The following ERBB4 variants were observed in gnomAD, a reference collection of about 807,000 sequenced individuals.
ERBB4 encodes the protein erb-b2 receptor tyrosine kinase 4.
ERBB4 carries 42 observed loss-of-function variants against 158.0 expected under a neutral mutation model. The observed-to-expected ratio is 0.27, with a 90% CI of 0.21 to 0.34. The LOEUF (loss-of-function observed/expected upper bound fraction) is 0.34. Among genes scored for constraint, ERBB4 ranks in the 10% least tolerant of loss-of-function variants. The pLI is 1.00. For missense variants in ERBB4, 1,333 were observed against 1,624.1 expected, an observed-to-expected ratio of 0.82 and a Z score of 3.08; for synonymous variants, 583 against 558.7, an observed-to-expected ratio of 1.04 and a Z score of -0.61.
intron 2 of ERBB4, among the ~76,000 whole-genome samples, chr2:212,109,207 C>T (rs569423613): frequency 9.9e-5 from 15 of 152,182 alleles, no homozygotes; most frequent in South Asian, 4.2e-4. Flanking sequence ...GCCAATGGCC[C>T]GGTTCCTAGA....
Position 211,429,757 on chromosome 2 carries a change from C to T in ERBB4, c.2643+1188G>A, listed in dbSNP as rs16846144. On this transcript the variant is annotated intron_variant, in intron 21 of 27. Coordinates refer to ENST00000342788, the MANE Select transcript of ERBB4 (RefSeq NM_005235.3). Reference sequence around the variant, plus strand: ...AGACACATTGAAAGTAATTTCCCTACGGGCAAGGAGTTAGCAGACTTTATG... The same window carrying T: ...AGACACATTGAAAGTAATTTCCCTATGGGCAAGGAGTTAGCAGACTTTATG... Among the ~76,000 whole-genome samples, 1,519 of 152,286 alleles carry T rather than the reference C, an allele frequency of 1.0e-2. 18 individuals are homozygous for T. Among genetic ancestry groups the T allele is most frequent in the South Asian group, 0.017 (82 of 4,824 alleles).
At chr2:211,395,423 C>A (rs2062891684) in intron 25 of ERBB4, among the ~76,000 whole-genome samples, 1 of 152,000 alleles carries the variant, frequency 6.6e-6, no homozygotes. Flanking sequence ...ATCTGTTATA[C>A]CTTAGAACCT....
At chr2:212,132,136 G>A (rs2080123903) in intron 1 of ERBB4, among the ~76,000 whole-genome samples, 1 of 152,038 alleles carries the variant, frequency 6.6e-6, no homozygotes, top group Non-Finnish European at 1.5e-5. Context: ...AGGATATCAA[G>A]GAGAAAAGCA....
intron 6 of ERBB4, among the ~76,000 whole-genome samples, 157 bp from the exon 7 acceptor site, chr2:211,722,691 A>G (rs1179155089): frequency 6.6e-6 from 1 of 152,246 alleles, no homozygotes; most frequent in Non-Finnish European, 1.5e-5. Flanking sequence ...AAATTTCATA[A>G]AACTCTTTTT....
At chr2:212,318,543 A>G (rs976173764) in intron 1 of ERBB4, among the ~76,000 whole-genome samples, 1 of 147,700 alleles carries the variant, frequency 6.8e-6, no homozygotes, top group Non-Finnish European at 1.5e-5. Flanking sequence ...ACAAAAAAAA[A>G]TCAGAAAAAA....
At chr2:211,854,484 G>A (rs1255891240) in intron 3 of ERBB4, among the ~76,000 whole-genome samples, 1 of 152,062 alleles carries the variant, frequency 6.6e-6, no homozygotes, top group African/African-American at 2.4e-5. Flanking sequence ...CTTCACAATT[G>A]CTACATCCTC....
At chr2:212,286,248 C>A (rs1284451836) in intron 1 of ERBB4, among the ~76,000 whole-genome samples, 1 of 152,078 alleles carries the variant, frequency 6.6e-6, no homozygotes, top group East Asian at 1.9e-4. Context: ...TGAAATACAA[C>A]CAATATCAGA....
chr2:211,479,983 A>G (rs1304374153), intron 20 of ERBB4, among the ~76,000 whole-genome samples: 1 of 152,182 alleles, frequency 6.6e-6, no homozygotes, highest in African/African-American at 2.4e-5. Flanking sequence ...GAAATGCAGA[A>G]CAAGGTTGTA....
intron 1 of ERBB4, among the ~76,000 whole-genome samples, chr2:212,490,069 T>C (rs531271909): frequency 6.6e-6 from 1 of 152,014 alleles, no homozygotes; most frequent in South Asian, 2.1e-4. Context: ...CCTAGAATGA[T>C]CTGGGCTAAT....
intron 1 of ERBB4, among the ~76,000 whole-genome samples, chr2:212,442,329 T>C (rs572843072): frequency 6.6e-6 from 1 of 152,270 alleles, no homozygotes; most frequent in Admixed American, 6.5e-5. Context: ...CCAGAACCCC[T>C]TGAATGAAGG....
intron 1 of ERBB4, chr2:212,125,114 G>A: frequency 3.5e-6 from 2 of 568,584 alleles, no homozygotes; most frequent in East Asian, 3.1e-5. Flanking sequence ...ACAGAGAGTA[G>A]GAAGGCATAG....
chr2:211,996,393 C>A (rs2082201156), intron 2 of ERBB4, among the ~76,000 whole-genome samples: 1 of 151,672 alleles, frequency 6.6e-6, no homozygotes, highest in African/African-American at 2.4e-5. Context: ...CAAAATTTAA[C>A]AAAAATTTTG....
At chr2:211,827,116 T>C (rs966190004) in intron 3 of ERBB4, among the ~76,000 whole-genome samples, 3 of 151,948 alleles carry the variant, frequency 2.0e-5, no homozygotes, top group African/African-American at 7.2e-5. Context: ...ATGGTTAGAT[T>C]GGGGATTAAG....
At chr2:212,310,504 G>C (rs76886235) in intron 1 of ERBB4, among the ~76,000 whole-genome samples, 2,192 of 150,612 alleles carry the variant, frequency 0.015, 49 homozygotes, top group African/African-American at 0.051. Context: ...ATAGGCATGT[G>C]TTTGAAAGCT....
At chr2:212,030,622 A>T (rs2076881140) in intron 2 of ERBB4, among the ~76,000 whole-genome samples, 1 of 152,114 alleles carries the variant, frequency 6.6e-6, no homozygotes, top group East Asian at 1.9e-4. Flanking sequence ...AGAGTGTGTT[A>T]TCAATCTAAT....
intron 2 of ERBB4, among the ~76,000 whole-genome samples, chr2:212,074,978 T>G (rs1408992558): frequency 6.6e-6 from 1 of 151,950 alleles, no homozygotes; most frequent in African/African-American, 2.4e-5. Flanking sequence ...AGGACAGTAT[T>G]AATTTGTTCA....
intron 1 of ERBB4, among the ~76,000 whole-genome samples, chr2:212,151,739 A>T (rs1038480547): frequency 6.6e-6 from 1 of 151,764 alleles, no homozygotes; most frequent in African/African-American, 2.4e-5. Flanking sequence ...AAATACAAAA[A>T]CCAGCTGGGC....
At chr2:211,386,096 G>A (rs2062678832) in intron 27 of ERBB4, among the ~76,000 whole-genome samples, 1 of 152,128 alleles carries the variant, frequency 6.6e-6, no homozygotes, top group African/African-American at 2.4e-5. Flanking sequence ...TAAAGACTGC[G>A]AGAGACATGA....
intron 20 of ERBB4, among the ~76,000 whole-genome samples, chr2:211,506,560 T>G (rs75253341): frequency 7.2e-5 from 10 of 138,306 alleles, no homozygotes; most frequent in Admixed American, 5.8e-4. Context: ...CATATCAAGT[T>G]TCTGTATCAT....
Sources: gnomAD v4.1 joint callset for allele counts (sites outside exome capture counted in the v4.1 genomes callset) on GRCh38, gnomAD v4.1.1 for gene constraint, MANE v1.5 for transcripts, NCBI Gene and HGNC (gene_info 2026-07-23, HGNC 2026-07-21) for gene names.